The following STAG1 variants were observed in gnomAD, a reference collection of about 807,000 sequenced individuals.
STAG1 encodes the protein cohesin subunit SA-1.
STAG1 carries 26 observed loss-of-function variants against 170.9 expected under a neutral mutation model. The observed-to-expected ratio is 0.15, with a 90% confidence interval of 0.11 to 0.21. The LOEUF is 0.21. Among genes scored for constraint, STAG1 ranks in the 10% least tolerant of loss-of-function variants. STAG1 has a pLI of 1.00. For synonymous variants in STAG1, 514 were observed against 497.7 expected (o/e 1.03, Z -0.44); for missense variants, 964 against 1,509.5 (o/e 0.64, Z 5.99).
At chr3:136,681,121 C>CT (rs1559947615) in intron 1 of STAG1, among the ~76,000 whole-genome samples, 2 of 152,080 alleles carry the variant, frequency 1.3e-5, no homozygotes, top group African/African-American at 4.8e-5. Flanking sequence ...CAGAACCATT[C>CT]TTTTTTCCCC....
chr3:136,520,843 G>C (rs931116349), intron 7 of STAG1, among the ~76,000 whole-genome samples: 3 of 151,984 alleles, frequency 2.0e-5, no homozygotes, highest in Non-Finnish European at 4.4e-5. Flanking sequence ...ATAATAATGA[G>C]CAATAAAACA....
intron 4 of STAG1, among the ~76,000 whole-genome samples, chr3:136,586,619 CTCT>C (rs1171894963): frequency 1.3e-5 from 2 of 152,178 alleles, no homozygotes; most frequent in Non-Finnish European, 1.5e-5. Flanking sequence ...GCAGTGAATG[CTCT>C]TCTTATCTTG....
intron 12 of STAG1, among the ~76,000 whole-genome samples, chr3:136,465,222 C>CTTTT (rs63439962): frequency 7.3e-6 from 1 of 136,208 alleles, no homozygotes. Flanking sequence ...TCTTCTACAG[C>CTTTT]TTTTTTTTTT....
At chr3:136,374,548 T>G (rs566852387) in intron 23 of STAG1, among the ~76,000 whole-genome samples, 1 of 150,742 alleles carries the variant, frequency 6.6e-6, no homozygotes, top group African/African-American at 2.4e-5. Context: ...ACCTGGGAGG[T>G]GGAGGTTGGG....
intron 29 of STAG1, among the ~76,000 whole-genome samples, chr3:136,345,901 A>G (rs768401086): frequency 3.9e-5 from 6 of 152,164 alleles, no homozygotes; most frequent in Non-Finnish European, 7.4e-5. Flanking sequence ...CTCACTACTC[A>G]ATCTCTTCTT....
chr3:136,339,923 T>TA lies in STAG1; in HGVS notation c.3672+567dup, dbSNP rs200213423. On this transcript the variant is annotated intron_variant, in intron 32 of 33. Transcript: ENST00000383202. Reference sequence around the variant, plus strand: ...CGTGGATTTTTGTCAGGCTCAAATTTAAAGCACAAGAGGCCAGATACACAG... The same window carrying TA: ...CGTGGATTTTTGTCAGGCTCAAATTTAAAAGCACAAGAGGCCAGATACACAG... Among the ~76,000 whole-genome samples the TA allele has an allele frequency of 2.0e-4, 31 of 152,308 alleles. No homozygotes were observed. In the East Asian group the frequency reaches 5.8e-3, roughly 28 times the overall value.
chr3:136,448,426 C>T (rs1314471179), intron 14 of STAG1, among the ~76,000 whole-genome samples: 1 of 152,176 alleles, frequency 6.6e-6, no homozygotes, highest in African/African-American at 2.4e-5. Context: ...GGACATCTTA[C>T]ATGGTGGCAG....
chr3:136,642,749 A>C (rs983219312), intron 1 of STAG1, among the ~76,000 whole-genome samples: 1 of 152,218 alleles, frequency 6.6e-6, no homozygotes, highest in African/African-American at 2.4e-5. Context: ...TTTGAACAAC[A>C]GAAATTTATT....
chr3:136,718,193 G>A (rs1932973806), intron 1 of STAG1, among the ~76,000 whole-genome samples: 1 of 152,126 alleles, frequency 6.6e-6, no homozygotes, highest in Admixed American at 6.6e-5. Flanking sequence ...GAAGGCTTTA[G>A]ATGTGATAAT....
intron 1 of STAG1, among the ~76,000 whole-genome samples, chr3:136,684,910 ACT>A (rs2107890944): frequency 6.6e-6 from 1 of 152,208 alleles, no homozygotes; most frequent in Non-Finnish European, 1.5e-5. Context: ...AAACTATAAA[ACT>A]CTTAAGACAA....
At chr3:136,465,047 T>C in intron 12 of STAG1, 59 bp from the exon 13 acceptor site, 1 of 1,319,930 alleles carries the variant, frequency 7.6e-7, no homozygotes, top group South Asian at 1.4e-5. Flanking sequence ...CCTTTCTACT[T>C]TTATTTAAAC....
In STAG1 at chr3:136,453,931, G is replaced by GA. The variant is rs1362083323; in HGVS notation, c.1314-1785_1314-1784insT. 2.6e-5 allele frequency among the ~76,000 whole-genome samples: 4 copies of GA among 151,672 alleles called. No individual in the cohort carries two copies. The East Asian group carries it at 7.7e-4, about 29-fold the overall frequency. On this transcript the variant is annotated intron_variant, in intron 13 of 33. Transcript: ENST00000383202. Reference sequence around the variant, plus strand: ...CAGAGAAGCTGAGGTTTTCTGGGGGGGCAGGTGAGGAGGAAGGCATATTAG... The same window carrying GA: ...CAGAGAAGCTGAGGTTTTCTGGGGGGAGCAGGTGAGGAGGAAGGCATATTAG...
At chr3:136,540,848 A>AAC (rs1559868692) in intron 6 of STAG1, among the ~76,000 whole-genome samples, 11 of 147,598 alleles carry the variant, frequency 7.5e-5, no homozygotes, top group African/African-American at 2.5e-4. Context: ...AAAAAAAAAA[A>AAC]AAAACCTATA....
chr3:136,378,664 G>A (rs777369590), intron 22 of STAG1, among the ~76,000 whole-genome samples: 2 of 152,096 alleles, frequency 1.3e-5, no homozygotes, highest in Non-Finnish European at 2.9e-5. Flanking sequence ...CAAGACCCTG[G>A]CTTAAAATAT....
chr3:136,635,087 C>CA (rs1430601691), intron 1 of STAG1, among the ~76,000 whole-genome samples: 3 of 152,116 alleles, frequency 2.0e-5, no homozygotes, highest in East Asian at 1.9e-4. Flanking sequence ...ATCAATCTTC[C>CA]AAAAAAGAGA....
chr3:136,573,710 T>C (rs1367710923), intron 4 of STAG1, among the ~76,000 whole-genome samples: 4 of 151,836 alleles, frequency 2.6e-5, no homozygotes, highest in African/African-American at 7.3e-5. Context: ...TGGTGGCTCA[T>C]GTCTGTAATC....
intron 1 of STAG1, among the ~76,000 whole-genome samples, chr3:136,697,783 G>A (rs1942942227): frequency 6.6e-6 from 1 of 152,082 alleles, no homozygotes; most frequent in Non-Finnish European, 1.5e-5. Context: ...CCAACTAAGA[G>A]GAACAGAATA....
intron 21 of STAG1, among the ~76,000 whole-genome samples, chr3:136,407,520 G>C (rs1343676733): frequency 1.3e-5 from 2 of 151,120 alleles, no homozygotes; most frequent in East Asian, 4.0e-4. Flanking sequence ...GGAGTACAAT[G>C]GTGCGATCTT....
chr3:136,394,104 C>T lies in STAG1; in HGVS notation c.2277+4645G>A, dbSNP rs146755608. ...TGTATTTTTAGTAGAGACGGGGTTTCGCCATGTTGGTTAGGATAATCTCTA... is the reference window on the plus strand; with the variant it reads ...TGTATTTTTAGTAGAGACGGGGTTTTGCCATGTTGGTTAGGATAATCTCTA... On this transcript the variant is annotated intron_variant, in intron 22 of 33. Transcript: ENST00000383202. 5.3e-5 allele frequency among the ~76,000 whole-genome samples: 8 copies of T among 152,248 alleles called. No homozygotes were observed. In the East Asian group the frequency reaches 9.7e-4, roughly 18 times the overall value.
Sources: gnomAD v4.1 joint callset for allele counts (sites outside exome capture counted in the v4.1 genomes callset) on GRCh38, gnomAD v4.1.1 for gene constraint, MANE v1.5 for transcripts, NCBI Gene and HGNC (gene_info 2026-07-23, HGNC 2026-07-21) for gene names.